ARHGAP15: variants seen among roughly 807,000 people sequenced by gnomAD.
The protein encoded by ARHGAP15 is rho GTPase-activating protein 15.
In ARHGAP15, 51 loss-of-function variants were observed where a neutral mutation model predicts 63.7. The observed-to-expected ratio is 0.80, with a 90% CI of 0.64 to 1.01. The LOEUF (loss-of-function observed/expected upper bound fraction) is 1.01. Among genes scored for constraint, ARHGAP15 ranks in the 50% least tolerant of loss-of-function variants. ARHGAP15 has a pLI of 0.00. For missense variants in ARHGAP15, 560 were observed against 564.6 expected (o/e 0.99, Z 0.08); for synonymous variants, 191 against 193.8 (o/e 0.99, Z 0.12).
chr2:143,263,370 T>C (rs1680826983), intron 6 of ARHGAP15, among the ~76,000 whole-genome samples: 2 of 152,122 alleles, frequency 1.3e-5, no homozygotes, highest in South Asian at 2.1e-4. Context: ...CCCCCAAGGA[T>C]GGAAGGGGTC....
intron 2 of ARHGAP15, among the ~76,000 whole-genome samples, chr2:143,170,335 G>A (rs145010008): frequency 1.3e-5 from 2 of 152,140 alleles, no homozygotes; most frequent in East Asian, 1.9e-4. Flanking sequence ...ATATGTACTC[G>A]GCATTATGCT....
At chr2:143,242,893 C>G (rs1693915927) in intron 5 of ARHGAP15, among the ~76,000 whole-genome samples, 1 of 152,176 alleles carries the variant, frequency 6.6e-6, no homozygotes, top group Non-Finnish European at 1.5e-5. Context: ...TGTGATAAAA[C>G]TTAATTCCTC....
At chr2:143,277,879 A>T (rs1419146737) in intron 6 of ARHGAP15, among the ~76,000 whole-genome samples, 1 of 152,130 alleles carries the variant, frequency 6.6e-6, no homozygotes, top group Non-Finnish European at 1.5e-5. Context: ...AAATTTATAG[A>T]TATAGACTAT....
At chr2:143,580,319 C>T (rs1696844856) in intron 11 of ARHGAP15, among the ~76,000 whole-genome samples, 1 of 151,906 alleles carries the variant, frequency 6.6e-6, no homozygotes, top group Non-Finnish European at 1.5e-5. Flanking sequence ...CTGTTAGTAC[C>T]AAAGCCAGAT....
At chr2:143,731,042 G>A (rs1685511422) in intron 13 of ARHGAP15, among the ~76,000 whole-genome samples, 1 of 147,170 alleles carries the variant, frequency 6.8e-6, no homozygotes, top group South Asian at 2.2e-4. Context: ...GAGAGTAATA[G>A]TTGACTTTTA....
At chr2:143,484,269 G>A (rs920303822) in intron 8 of ARHGAP15, among the ~76,000 whole-genome samples, 14 of 151,898 alleles carry the variant, frequency 9.2e-5, no homozygotes, top group Non-Finnish European at 1.8e-4. Flanking sequence ...AGGAGGCTGA[G>A]GCATGAGAAT....
At chr2:143,409,294 C>A (rs1688345996) in intron 6 of ARHGAP15, among the ~76,000 whole-genome samples, 1 of 151,764 alleles carries the variant, frequency 6.6e-6, no homozygotes, top group Non-Finnish European at 1.5e-5. Flanking sequence ...ATTAATGAGG[C>A]AAATGGTGCT....
At chr2:143,463,816 T>A (rs1416608170) in intron 8 of ARHGAP15, among the ~76,000 whole-genome samples, 7 of 152,180 alleles carry the variant, frequency 4.6e-5, no homozygotes, top group African/African-American at 7.2e-5. Context: ...CCTAAATTGG[T>A]GTGTGATTGA....
chr2:143,721,753 C>G (rs951342941), intron 13 of ARHGAP15, among the ~76,000 whole-genome samples: 1 of 151,636 alleles, frequency 6.6e-6, no homozygotes, highest in African/African-American at 2.4e-5. Flanking sequence ...GTGGCGGGAT[C>G]TTGGCTCACT....
intron 6 of ARHGAP15, among the ~76,000 whole-genome samples, chr2:143,394,910 TATC>T (rs1043605433): frequency 3.9e-5 from 6 of 152,104 alleles, no homozygotes; most frequent in African/African-American, 1.4e-4. Flanking sequence ...CTCCAGCCTG[TATC>T]ATATTTTCAA....
intron 11 of ARHGAP15, among the ~76,000 whole-genome samples, chr2:143,569,309 G>A (rs1304024095): frequency 6.6e-6 from 1 of 152,156 alleles, no homozygotes; most frequent in East Asian, 1.9e-4. Flanking sequence ...CCATTTTGGT[G>A]TCAAGAGATA....
At chr2:143,262,933 C>T (rs1193258553) in intron 6 of ARHGAP15, among the ~76,000 whole-genome samples, 2 of 152,124 alleles carry the variant, frequency 1.3e-5, no homozygotes, top group East Asian at 1.9e-4. Context: ...TAGGTTACTA[C>T]GGGGGCTACT....
chr2:143,664,939 A>G (rs1163728181), intron 12 of ARHGAP15, among the ~76,000 whole-genome samples: 4 of 151,608 alleles, frequency 2.6e-5, no homozygotes, highest in Non-Finnish European at 5.9e-5. Context: ...TTTACCAACC[A>G]AAAAGAGTCC....
At chr2:143,374,482 A>G (rs72999503) in intron 6 of ARHGAP15, among the ~76,000 whole-genome samples, 5,830 of 152,052 alleles carry the variant, frequency 0.038, 364 homozygotes, top group African/African-American at 0.13. Context: ...CCCTATGACC[A>G]TAGTAGGTTG....
intron 2 of ARHGAP15, among the ~76,000 whole-genome samples, chr2:143,190,496 A>T (rs908187829): frequency 6.6e-6 from 1 of 152,150 alleles, no homozygotes; most frequent in Non-Finnish European, 1.5e-5. Context: ...GTTGCTAATG[A>T]GGTAGATTTT....
At chr2:143,453,417 G>T (rs1406853892) in intron 8 of ARHGAP15, among the ~76,000 whole-genome samples, 1 of 151,954 alleles carries the variant, frequency 6.6e-6, no homozygotes, top group African/African-American at 2.4e-5. Flanking sequence ...GAGTTGATTG[G>T]AAGCATAAAT....
chr2:143,394,998 C>G (rs1687697805), intron 6 of ARHGAP15, among the ~76,000 whole-genome samples: 1 of 152,104 alleles, frequency 6.6e-6, no homozygotes, highest in African/African-American at 2.4e-5. Flanking sequence ...AGAAAGATTG[C>G]TATGCTTAGT....
chr2:143,711,039 C>T (rs1354194485), intron 13 of ARHGAP15, among the ~76,000 whole-genome samples: 1 of 152,164 alleles, frequency 6.6e-6, no homozygotes, highest in Non-Finnish European at 1.5e-5. Context: ...CCACACTCAG[C>T]CTGCCTCCTG....
At chr2:143,604,851 A>T (rs1697923072) in intron 11 of ARHGAP15, among the ~76,000 whole-genome samples, 1 of 152,158 alleles carries the variant, frequency 6.6e-6, no homozygotes. Context: ...AGAGAAAAGT[A>T]ATGATAATAC....
Sources: gnomAD v4.1 joint callset for allele counts (sites outside exome capture counted in the v4.1 genomes callset) on GRCh38, gnomAD v4.1.1 for gene constraint, MANE v1.5 for transcripts, NCBI Gene and HGNC (gene_info 2026-07-23, HGNC 2026-07-21) for gene names.